The following CADM2 variants were observed in gnomAD, a reference collection of about 807,000 sequenced individuals.
CADM2 encodes cell adhesion molecule 2.
Under a neutral mutation model 49.8 loss-of-function variants are expected in CADM2, and 12 were observed. The observed-to-expected ratio is 0.24, with a 90% confidence interval of 0.15 to 0.39. The LOEUF (loss-of-function observed/expected upper bound fraction) is 0.39, where lower values mean the gene tolerates loss of function less well. Among genes scored for constraint, CADM2 ranks in the 10% least tolerant of loss-of-function variants. The pLI is 1.00. For synonymous variants in CADM2, 214 were observed against 175.4 expected (o/e 1.22, Z -1.74); for missense variants, 378 against 492.3 (o/e 0.77, Z 2.20).
At chr3:85,586,269 C>A (rs2062943748) in intron 1 of CADM2, among the ~76,000 whole-genome samples, 1 of 152,086 alleles carries the variant, frequency 6.6e-6, no homozygotes, top group South Asian at 2.1e-4. Flanking sequence ...TCACAGTCTT[C>A]TTAGGGTGAA....
intron 1 of CADM2, among the ~76,000 whole-genome samples, chr3:85,593,607 A>G (rs1170580975): frequency 6.6e-6 from 1 of 152,052 alleles, no homozygotes; most frequent in Non-Finnish European, 1.5e-5. Context: ...GCAGAATAAA[A>G]AGAAACACAT....
At chr3:85,935,979 G>C in intron 7 of CADM2, 122 bp downstream of exon 7, 3 of 531,518 alleles carry the variant, frequency 5.6e-6, no homozygotes, top group Non-Finnish European at 1.0e-5. Flanking sequence ...GTGATCTCTA[G>C]AACAGAAAAC....
At chr3:85,804,915 A>G (rs1326917987) in intron 3 of CADM2, among the ~76,000 whole-genome samples, 1 of 152,098 alleles carries the variant, frequency 6.6e-6, no homozygotes, top group Non-Finnish European at 1.5e-5. Flanking sequence ...TAAATACACC[A>G]GTTCTATGAA....
At chr3:85,265,080 G>A (rs1488539579) in intron 1 of CADM2, among the ~76,000 whole-genome samples, 1 of 151,972 alleles carries the variant, frequency 6.6e-6, no homozygotes, top group Middle Eastern at 3.2e-3. Flanking sequence ...GTACTCACTG[G>A]CAGATATTGC....
chr3:85,236,733 C>T (rs977415362), intron 1 of CADM2, among the ~76,000 whole-genome samples: 6 of 152,084 alleles, frequency 3.9e-5, no homozygotes, highest in Middle Eastern at 3.4e-3. Flanking sequence ...TCTTCACATA[C>T]GTATTAATGG....
intron 1 of CADM2, among the ~76,000 whole-genome samples, chr3:85,292,100 C>G (rs1208289207): frequency 2.0e-5 from 3 of 148,390 alleles, no homozygotes; most frequent in East Asian, 2.0e-4. Context: ...GAAGATCTAC[C>G]AAGCAAATGG....
chr3:85,695,319 A>G (rs952430268), intron 1 of CADM2, among the ~76,000 whole-genome samples: 3 of 151,942 alleles, frequency 2.0e-5, no homozygotes, highest in African/African-American at 7.3e-5. Context: ...GTGATTTTCT[A>G]TTCCCACCTC....
chr3:85,375,216 C>T (rs2033517991), intron 1 of CADM2, among the ~76,000 whole-genome samples: 3 of 152,102 alleles, frequency 2.0e-5, no homozygotes, highest in African/African-American at 4.8e-5. Context: ...AATTCAAGTT[C>T]GAGAAGTGGA....
At chr3:85,795,749 T>C (rs1466728360) in intron 2 of CADM2, among the ~76,000 whole-genome samples, 1 of 152,258 alleles carries the variant, frequency 6.6e-6, no homozygotes, top group East Asian at 1.9e-4. Context: ...GAGGATAAGA[T>C]ATTTAAGAAC....
chr3:85,962,119 A>G (rs938052844), intron 8 of CADM2, among the ~76,000 whole-genome samples: 1 of 151,776 alleles, frequency 6.6e-6, no homozygotes, highest in African/African-American at 2.4e-5. Flanking sequence ...GGCTTTCGCC[A>G]TGTTCACCAG....
chr3:85,568,453 T>TTCTCTTTCTGTC (rs1559915924), intron 1 of CADM2, among the ~76,000 whole-genome samples: 1 of 27,566 alleles, frequency 3.6e-5, no homozygotes, highest in Middle Eastern at 0.024. Flanking sequence ...CTTTCTTTCT[T>TTCTCTTTCTGTC]TCTTTCTTTC....
chr3:85,899,360 C>G (rs1715783437), intron 5 of CADM2, among the ~76,000 whole-genome samples: 1 of 152,038 alleles, frequency 6.6e-6, no homozygotes, highest in Non-Finnish European at 1.5e-5. Flanking sequence ...TATACATATA[C>G]ATTTTGCCAT....
chr3:85,969,550 A>G (rs1577816572), intron 8 of CADM2, among the ~76,000 whole-genome samples: 1 of 151,244 alleles, frequency 6.6e-6, no homozygotes, highest in Non-Finnish European at 1.5e-5. Flanking sequence ...CTTCAATTAA[A>G]TACTCTACAA....
At chr3:85,496,590 T>G (rs1187844513) in intron 1 of CADM2, among the ~76,000 whole-genome samples, 1 of 152,210 alleles carries the variant, frequency 6.6e-6, no homozygotes, top group Non-Finnish European at 1.5e-5. Flanking sequence ...ATGGAGGTTC[T>G]CTTTTTAGTT....
At chr3:85,191,901 T>C (rs564922122) in intron 1 of CADM2, among the ~76,000 whole-genome samples, 2 of 151,970 alleles carry the variant, frequency 1.3e-5, no homozygotes, top group South Asian at 4.2e-4. Flanking sequence ...AGCAACCTCA[T>C]CTTGTAGAAC....
intron 1 of CADM2, among the ~76,000 whole-genome samples, chr3:84,994,096 T>C (rs2033046484): frequency 6.6e-6 from 1 of 152,116 alleles, no homozygotes; most frequent in Admixed American, 6.6e-5. Flanking sequence ...TTTTTTGTGC[T>C]CAGATAATTC....
intron 1 of CADM2, among the ~76,000 whole-genome samples, chr3:85,067,223 AACT>A (rs1357512143): frequency 1.2e-4 from 19 of 152,190 alleles, no homozygotes; most frequent in African/African-American, 3.4e-4. Context: ...AGGAAAGTAC[AACT>A]AATATTATTG....
At chr3:85,310,466 T>A (rs1336416254) in intron 1 of CADM2, among the ~76,000 whole-genome samples, 2 of 152,164 alleles carry the variant, frequency 1.3e-5, no homozygotes, top group Non-Finnish European at 2.9e-5. Flanking sequence ...GGGCACCTAT[T>A]GTCATACTCA....
chr3:85,767,598 G>A (rs2069723236), intron 2 of CADM2, among the ~76,000 whole-genome samples: 2 of 152,098 alleles, frequency 1.3e-5, no homozygotes, highest in African/African-American at 4.8e-5. Flanking sequence ...AGTCTGCTGT[G>A]CAGTAGATGT....
Sources: allele counts gnomAD v4.1 joint callset (sites outside exome capture counted in the v4.1 genomes callset), GRCh38; gene constraint gnomAD v4.1.1; transcripts MANE v1.5; gene names NCBI Gene and HGNC (gene_info 2026-07-23, HGNC 2026-07-21).